The following KLK1 variants were observed in gnomAD, a reference collection of about 807,000 sequenced individuals.
KLK1 encodes the protein kallikrein-1.
A neutral mutation model predicts 23.3 loss-of-function variants in KLK1; 22 were observed. The observed-to-expected ratio is 0.95, with a 90% CI of 0.68 to 1.35. The LOEUF is 1.35. KLK1 is among the 40% of genes most tolerant of loss of function. The pLI is 0.00. For synonymous variants in KLK1, 140 were observed against 135.8 expected, an observed-to-expected ratio of 1.03 and a Z score of -0.21; for missense variants, 301 against 338.9, an observed-to-expected ratio of 0.89 and a Z score of 0.88.
chr19:50,819,846 G>A lies in KLK1; in HGVS notation c.633+53C>T, dbSNP rs943775588. The A allele has an allele frequency of 1.5e-5, 23 of 1,584,262 alleles. No individual in the cohort carries two copies. The African/African-American group carries it at 2.7e-4, about 19-fold the overall frequency. The stretch of plus-strand genomic sequence containing the variant: ...GTTAGCTCTCAGAAGCCAGTTCAGA[G>A]GCTGAGTCCCCTCCCTCAGCCCTTC... On this transcript the variant is annotated intron_variant, in intron 4 of 4. Coordinates refer to ENST00000301420, the MANE Select transcript of KLK1 (RefSeq NM_002257.4).
In KLK1 at chr19:50,821,715, CT is replaced by C; in HGVS notation, c.202del (p.Ser68AlafsTer36). 2 of 1,607,714 alleles carry C rather than the reference CT, an allele frequency of 1.2e-6. No homozygotes were observed. Among genetic ancestry groups the C allele is most frequent in the Non-Finnish European group, 1.7e-6 (2 of 1,176,400 alleles). On this transcript the variant is annotated frameshift_variant, in exon 2 of 5. Coordinates refer to ENST00000301420, the MANE Select transcript of KLK1 (RefSeq NM_002257.4). LOFTEE classifies it high-confidence loss of function. The surrounding 1 kb of genome is among the most constrained non-coding windows in gnomAD (Gnocchi z 5.6). ...CAGACCCCAGGCCCCTACTCACTCG[CT>C]GATGCAATGAGCAGCTGTGAGCACC... ...QWVLTAAHCISDNYQLWLGRH... is the reference protein window; with the variant it reads ...QWVLTAAHCIXDNYQLWLGRH...
chr19:50,821,233 C>T lies in KLK1; in HGVS notation c.206+479G>A, dbSNP rs1242415203. 6.6e-6 allele frequency among the ~76,000 whole-genome samples: 1 copy of T among 152,170 alleles called. No individual in the cohort carries two copies. Among genetic ancestry groups the T allele is most frequent in the African/African-American group, 2.4e-5 (1 of 41,440 alleles). On this transcript the variant is annotated intron_variant, in intron 2 of 4. Transcript: ENST00000301420. This position sits in a 1 kb window ranked among gnomAD's most constrained non-coding sequence, Gnocchi z 5.6. ...GCGGGGAGCTGGACAGAGGGAGAGG[C>T]GCCCCCTCCCAGGCACACAAGTTGG...
intron 1 of KLK1, chr19:50,822,931 G>A (rs1055358607): frequency 1.1e-5 from 11 of 984,992 alleles, no homozygotes; most frequent in Admixed American, 1.2e-4. Flanking sequence ...GATCCTTGGG[G>A]TGGGGTTCCA....
rs1023059440 is a variant in KLK1 at position 50,819,791 on chromosome 19, C to A, written c.633+108G>T. Reference sequence around the variant, plus strand: ...GCACTGATGGGGCGAGTGGCTACAGCTAGCTGGGAAGCAGTGAAGCAGATG... The same window carrying A: ...GCACTGATGGGGCGAGTGGCTACAGATAGCTGGGAAGCAGTGAAGCAGATG... On this transcript the variant is annotated intron_variant, in intron 4 of 4. Transcript: ENST00000301420. 3 of 1,137,032 alleles carry A rather than the reference C, an allele frequency of 2.6e-6. No individual in the cohort carries two copies. The African/African-American group carries it at 4.6e-5, about 18-fold the overall frequency. The allele number at this position is 1,137,032 out of a possible 1,614,324, so 70.4% of individuals were successfully genotyped here. A position where few individuals can be genotyped will look rare whatever the true frequency, so the allele number is the denominator to read the frequency against.
rs1475477943 is a variant in KLK1, at chr19:50,821,370, G to A, written c.206+342C>T. ...ACCCAGAGAGAGAGAGATGGGTAGA[G>A]AGATGGAGGGTGAGACACAGTGACA... is the stretch of plus-strand genomic sequence containing the variant. On this transcript the variant is annotated intron_variant, in intron 2 of 4. Transcript: ENST00000301420. This position sits in a 1 kb window ranked among gnomAD's most constrained non-coding sequence, Gnocchi z 5.6. 6.6e-6 allele frequency among the ~76,000 whole-genome samples: 1 copy of A among 152,206 alleles called. No individual in the cohort carries two copies. Among genetic ancestry groups the A allele is most frequent in the Non-Finnish European group, 1.5e-5 (1 of 68,044 alleles).
In KLK1 at chr19:50,821,981, AC is replaced by A; in HGVS notation, c.47-111del. The A allele has an allele frequency of 6.8e-7, 1 of 1,469,212 alleles. No individual in the cohort carries two copies. Among genetic ancestry groups the A allele is most frequent in the Non-Finnish European group, 9.0e-7 (1 of 1,110,982 alleles). The allele number at this position is 1,469,212 out of a possible 1,614,324, so 91.0% of individuals were successfully genotyped here. A position where few individuals can be genotyped will look rare whatever the true frequency, so the allele number is the denominator to read the frequency against. On this transcript the variant is annotated intron_variant, in intron 1 of 4. Transcript: ENST00000301420. The surrounding 1 kb of genome is among the most constrained non-coding windows in gnomAD (Gnocchi z 5.6). ...TCTGAAGGGACATTGCGGGTAGAGG[AC>A]CAGGGCTGGAGGTTGGGGACATGGG...
rs1217270902 is a variant in KLK1, at chr19:50,819,936, C to A, written c.596G>T (p.Cys199Phe). The change falls in exon 4 of 5, where the codon TGT becomes TTT. Residue 199 changes from cysteine (C) to phenylalanine (F), a missense_variant. Transcript: ENST00000301420. ...HVQKVTDFML[C>F]VGHLEGGKDT... ...TTTGCCACCTTCCAGGTGTCCGACA[C>A]ACAGCATGAAGTCTGTCACCTTCTG... The A allele has an allele frequency of 6.2e-7, 1 of 1,614,224 alleles. No homozygotes were observed. Among genetic ancestry groups the A allele is most frequent in the Non-Finnish European group, 8.5e-7 (1 of 1,180,038 alleles).
In KLK1 at chr19:50,822,668, TG is replaced by T. The variant is rs1221340391; in HGVS notation, c.47-798del. ...GGGCTCAGGAGGAGGGAGGCGTGAG[TG>T]GCAGTCCTTCTCGGACAGGGTGAAG... On this transcript the variant is annotated intron_variant, in intron 1 of 4. Transcript: ENST00000301420. The T allele has an allele frequency of 3.0e-6, 3 of 984,208 alleles. No individual in the cohort carries two copies. The Admixed American group carries it at 1.9e-4, about 61-fold the overall frequency. The allele number at this position is 984,208 out of a possible 1,614,324, so 61.0% of individuals were successfully genotyped here.
Position 50,820,314 on chromosome 19 carries a change from T to C in KLK1, c.336A>G (p.Gln112=). ...GGTCGTGGCTGTAGTCCTCGTCTGC[T>C]TGGCGGGTGTGGTTCTCCAGGAGGC... ...NMSLLENHTR[Q]ADEDYSHDLM... Residue 112 remains glutamine, a synonymous_variant, in exon 3 of 5, where the codon CAA becomes CAG. Transcript: ENST00000301420. The C allele has an allele frequency of 6.2e-7, 1 of 1,613,998 alleles. No individual in the cohort carries two copies.
At chr19:50,823,051 C>A (rs2089837677) in intron 1 of KLK1, 2 of 291,736 alleles carry the variant, frequency 6.9e-6, no homozygotes, top group Non-Finnish European at 1.0e-5. Context: ...TGGTGTTTTT[C>A]CTGGGAGAGC....
chr19:50,821,600 C>T lies in KLK1; in HGVS notation c.206+112G>A, dbSNP rs1208779539. ...AGGCGACCTGCGCCAGAGCCTTCCTCTCTGCCTCAGCCCCCCAGTCTTGCC... is the reference window on the plus strand; with the variant it reads ...AGGCGACCTGCGCCAGAGCCTTCCTTTCTGCCTCAGCCCCCCAGTCTTGCC... On this transcript the variant is annotated intron_variant, in intron 2 of 4. Coordinates refer to ENST00000301420, the MANE Select transcript of KLK1 (RefSeq NM_002257.4). This position sits in a 1 kb window ranked among gnomAD's most constrained non-coding sequence, Gnocchi z 5.6. 7.2e-7 allele frequency: 1 copy of T among 1,393,446 alleles called. No individual in the cohort carries two copies. Among genetic ancestry groups the T allele is most frequent in the African/African-American group, 1.5e-5 (1 of 68,784 alleles). The allele number at this position is 1,393,446 out of a possible 1,614,324, so 86.3% of individuals were successfully genotyped here.
chr19:50,820,691 A>G (rs2659104), intron 2 of KLK1: 228,505 of 338,308 alleles, frequency 0.68, 79,239 homozygotes, highest in East Asian at 0.78. Context: ...AGAGGGGTGA[A>G]AAAGGCGGAG....
At position 50,821,366 on chromosome 19, in the gene KLK1, T is replaced by G. The variant is rs1599944426; in HGVS notation, c.206+346A>C. Reference sequence around the variant, plus strand: ...AGAGACCCAGAGAGAGAGAGATGGGTAGAGAGATGGAGGGTGAGACACAGT... The same window carrying G: ...AGAGACCCAGAGAGAGAGAGATGGGGAGAGAGATGGAGGGTGAGACACAGT... On this transcript the variant is annotated intron_variant, in intron 2 of 4. Coordinates refer to ENST00000301420, the MANE Select transcript of KLK1 (RefSeq NM_002257.4). This position sits in a 1 kb window ranked among gnomAD's most constrained non-coding sequence, Gnocchi z 5.6. Among the ~76,000 whole-genome samples the G allele has an allele frequency of 6.7e-6, 1 of 150,250 alleles. No individual in the cohort carries two copies. The highest frequency in any genetic ancestry group is 1.5e-5 in the Non-Finnish European group (1 of 67,592).
In KLK1 at chr19:50,819,879, T is replaced by G. The variant is rs1161299498; in HGVS notation, c.633+20A>C. 6 of 1,612,432 alleles carry G rather than the reference T, an allele frequency of 3.7e-6. No homozygotes were observed. On this transcript the variant is annotated intron_variant, in intron 4 of 4. Coordinates refer to ENST00000301420, the MANE Select transcript of KLK1 (RefSeq NM_002257.4). ...CCCCTCCCTCAGCCCTTCCAGACCC[T>G]GGGGGCAGGGCTGCCTCACCACACA...
intron 1 of KLK1, chr19:50,822,415 T>C: frequency 1.0e-6 from 1 of 985,914 alleles, no homozygotes; most frequent in Non-Finnish European, 1.2e-6. Context: ...GCATCTGGAC[T>C]GAAGAGTTTG....
In KLK1 at chr19:50,822,626, C is replaced by A. The variant is rs373004478; in HGVS notation, c.47-755G>T. 3.0e-6 allele frequency: 3 copies of A among 984,870 alleles called. No individual in the cohort carries two copies. In the African/African-American group the frequency reaches 5.3e-5, roughly 17 times the overall value. 61.0% of individuals were successfully genotyped at this position (984,870 alleles called of 1,614,324 possible). A position where few individuals can be genotyped will look rare whatever the true frequency, so the allele number is the denominator to read the frequency against. ...GGTTGGGGCCCTGAGAACACAGTTG[C>A]GGTCAGGACTGGGACGGGGCTCAGG... On this transcript the variant is annotated intron_variant, in intron 1 of 4. Transcript: ENST00000301420.
At chr19:50,819,708 G>A (rs761659922) in intron 4 of KLK1, among the ~76,000 whole-genome samples, 191 bp downstream of exon 4, 4 of 152,084 alleles carry the variant, frequency 2.6e-5, no homozygotes, top group Non-Finnish European at 5.9e-5. Flanking sequence ...GTGAACTCTG[G>A]TGTGGGGGGT....
intron 4 of KLK1, 31 bp from the exon 5 acceptor site, chr19:50,819,380 G>C: frequency 6.3e-7 from 1 of 1,586,740 alleles, no homozygotes; most frequent in Non-Finnish European, 8.6e-7. Flanking sequence ...GGGAGAGTGA[G>C]AAAGGTCTAC....
In KLK1 at chr19:50,821,171, C is replaced by T. The variant is rs2089826290; in HGVS notation, c.206+541G>A. 1.3e-5 allele frequency among the ~76,000 whole-genome samples: 2 copies of T among 152,202 alleles called. 1 individual carries two copies. Among genetic ancestry groups the T allele is most frequent in the South Asian group, 4.1e-4 (2 of 4,832 alleles). On this transcript the variant is annotated intron_variant, in intron 2 of 4. Transcript: ENST00000301420. The surrounding 1 kb of genome is among the most constrained non-coding windows in gnomAD (Gnocchi z 5.6). ...CCAGCTCCCGCTGAAACCAGCCCTT[C>T]CCTGTGTCTCTCCAGAGTGGAGGGA...
Sources: gnomAD v4.1 joint callset for allele counts (sites outside exome capture counted in the v4.1 genomes callset) on GRCh38, gnomAD v4.1.1 for gene constraint, Gnocchi (gnomAD v3.1) non-coding constraint, MANE v1.5 for transcripts, NCBI Gene and HGNC (gene_info 2026-07-23, HGNC 2026-07-21) for gene names.